The following TFAP4 variants were observed in gnomAD, a reference collection of about 807,000 sequenced individuals.
The protein encoded by TFAP4 is activating enhancer-binding protein 4.
In TFAP4, 7 loss-of-function variants were observed where a neutral mutation model predicts 40.4. The ratio of observed to expected loss-of-function variants is 0.17; its 90% CI spans 0.10 to 0.33. The LOEUF is 0.33. Among genes scored for constraint, TFAP4 ranks in the 10% least tolerant of loss-of-function variants. TFAP4 has a pLI of 1.00. For synonymous variants in TFAP4, 218 were observed against 181.4 expected (o/e 1.20, Z -1.62); for missense variants, 374 against 451.1 (o/e 0.83, Z 1.55).
chr16:4,258,131 G>A lies in TFAP4; in HGVS notation c.941C>T (p.Ser314Phe). The A allele has an allele frequency of 6.2e-7, 1 of 1,614,002 alleles. No homozygotes were observed. Among genetic ancestry groups the A allele is most frequent in the Non-Finnish European group, 8.5e-7 (1 of 1,180,006 alleles). The change falls in exon 7 of 7, where the codon TCC becomes TTC. Residue 314 changes from serine to phenylalanine, a missense_variant. This residue lies in a region of TFAP4 where 93 missense variants were observed against 79.2 expected (regional missense o/e 1.17). Coordinates refer to ENST00000204517, the MANE Select transcript of TFAP4 (RefSeq NM_003223.3). ...GTCACTGTCTGAGGCCTCGGAGTCG[G>A]AGGCGGTGTCAGAGGTGGGGGCCTC... The part of the protein sequence containing the change: ...CPEAPTSDTA[S>F]DSEASDSDAM...
At chr16:4,269,614 A>T (rs1262351328) in intron 1 of TFAP4, among the ~76,000 whole-genome samples, 2 of 151,718 alleles carry the variant, frequency 1.3e-5, no homozygotes, top group Non-Finnish European at 2.9e-5. Context: ...GATCGAGACC[A>T]TCCTGGCCAA....
At position 4,272,828 on chromosome 16, in the gene TFAP4, A is replaced by G; in HGVS notation, c.-82T>C. The G allele has an allele frequency of 1.7e-6, 2 of 1,180,522 alleles. No individual in the cohort carries two copies. Among genetic ancestry groups the G allele is most frequent in the South Asian group, 3.0e-5 (2 of 66,102 alleles). The allele number at this position is 1,180,522 out of a possible 1,614,324, so 73.1% of individuals were successfully genotyped here. A position where few individuals can be genotyped will look rare whatever the true frequency, so the allele number is the denominator to read the frequency against. On this transcript the variant is annotated 5_prime_UTR_variant, in exon 1 of 7. Coordinates refer to ENST00000204517, the MANE Select transcript of TFAP4 (RefSeq NM_003223.3). ...AAGATGGAAATCCGAATCAAAGGGC[A>G]GCGCCGGACGGAGGTGCAGAATCGG...
chr16:4,262,531 C>T lies in TFAP4; in HGVS notation c.255+5G>A. ...CTCCAGGAAGCCCTCCCTGCTCTCACCCACCTTGCTGAGCTTCTCTCCGTC... is the reference window on the plus strand; with the variant it reads ...CTCCAGGAAGCCCTCCCTGCTCTCATCCACCTTGCTGAGCTTCTCTCCGTC... On this transcript the variant is annotated splice_donor_5th_base_variant and intron_variant, in intron 2 of 6. Coordinates refer to ENST00000204517, the MANE Select transcript of TFAP4 (RefSeq NM_003223.3). 3 of 1,612,656 alleles carry T rather than the reference C, an allele frequency of 1.9e-6. No homozygotes were observed. Among genetic ancestry groups the T allele is most frequent in the East Asian group, 2.2e-5 (1 of 44,886 alleles).
rs1358795482 is a variant in TFAP4 at position 4,272,952 on chromosome 16, GTA to G, written c.-208_-207del. On this transcript the variant is annotated 5_prime_UTR_variant, in exon 1 of 7. Coordinates refer to ENST00000204517, the MANE Select transcript of TFAP4 (RefSeq NM_003223.3). ...CTCCGGCCTGCCTCCCCGGGCGTGT[GTA>G]TGTGTGTGTGTGTGTGTGTGTGTGT... is the stretch of plus-strand genomic sequence containing the variant. 27 of 387,254 alleles carry G rather than the reference GTA, an allele frequency of 7.0e-5. No individual in the cohort carries two copies. The highest frequency in any genetic ancestry group is 1.7e-4 in the East Asian group (3 of 18,164). 24.0% of individuals were successfully genotyped at this position (387,254 alleles called of 1,614,324 possible). A position where few individuals can be genotyped will look rare whatever the true frequency, so the allele number is the denominator to read the frequency against.
In TFAP4 at chr16:4,258,011, G is replaced by T. The variant is rs747381090; in HGVS notation, c.*44C>A. 2.6e-6 allele frequency: 4 copies of T among 1,567,640 alleles called. No homozygotes were observed. The East Asian group carries it at 9.2e-5, about 36-fold the overall frequency. On this transcript the variant is annotated 3_prime_UTR_variant, in exon 7 of 7. Coordinates refer to ENST00000204517, the MANE Select transcript of TFAP4 (RefSeq NM_003223.3). ...CATGTCTCTCCCTGTGGCTGCCCCG[G>T]CTCCCTCCAGCCCCCAGAAGGGAGA...
rs199753022 is a variant in TFAP4, at chr16:4,262,471, C to G, written c.256-49G>C. 38 of 1,613,732 alleles carry G rather than the reference C, an allele frequency of 2.4e-5. No homozygotes were observed. In the East Asian group the frequency reaches 8.2e-4, roughly 35 times the overall value. On this transcript the variant is annotated intron_variant, in intron 2 of 6. Coordinates refer to ENST00000204517, the MANE Select transcript of TFAP4 (RefSeq NM_003223.3). ...GTCAGGCTGGCAGTGTTTACCAGAGCTCACTTTCCTCTCCCAGCGGGAACC... is the reference window on the plus strand; with the variant it reads ...GTCAGGCTGGCAGTGTTTACCAGAGGTCACTTTCCTCTCCCAGCGGGAACC...
chr16:4,272,565 G>T, intron 1 of TFAP4, 93 bp downstream of exon 1: 1 of 909,922 alleles, frequency 1.1e-6, no homozygotes, highest in Non-Finnish European at 1.5e-6. Context: ...GGTCGGCGGC[G>T]CGGGCCATGC....
In TFAP4 at chr16:4,270,545, C is replaced by A. The variant is rs118038069; in HGVS notation, c.89+2113G>T. Reference sequence around the variant, plus strand: ...AAACAAATCCAGGGACCCCCAACTCCATGCCTAATGCACAGCTGACAACTG... The same window carrying A: ...AAACAAATCCAGGGACCCCCAACTCAATGCCTAATGCACAGCTGACAACTG... On this transcript the variant is annotated intron_variant, in intron 1 of 6. Coordinates refer to ENST00000204517, the MANE Select transcript of TFAP4 (RefSeq NM_003223.3). Among the ~76,000 whole-genome samples, 113 of 152,328 alleles carry A rather than the reference C, an allele frequency of 7.4e-4. 1 individual carries two copies. The East Asian group carries it at 0.019, about 26-fold the overall frequency.
chr16:4,263,575 C>T (rs1267860444), intron 1 of TFAP4: 1 of 152,466 alleles, frequency 6.6e-6, no homozygotes, highest in Non-Finnish European at 1.5e-5. Context: ...TCACAGAAGA[C>T]AAGTACCACT....
Position 4,262,339 on chromosome 16 carries a change from G to C in TFAP4, c.339C>G (p.Leu113=), listed in dbSNP as rs766777684. The C allele has an allele frequency of 3.7e-6, 6 of 1,614,218 alleles. No homozygotes were observed. The highest frequency in any genetic ancestry group is 5.1e-6 in the Non-Finnish European group (6 of 1,180,046). ...KTRLLQQNTQ[L]KRFIQELSGS... ...CAGGGCGCACCTGGATGAAGCGCTT[G>C]AGCTGTGTGTTCTGCTGCAAGAGCC... The change falls in exon 3 of 7, where the codon CTC becomes CTG. Residue 113 remains leucine, a synonymous_variant. Transcript: ENST00000204517.
chr16:4,257,953 C>G lies in TFAP4; in HGVS notation c.*102G>C, dbSNP rs911886064. ...GTCATAAAAGAGACCCAAATGACAT[C>G]GTAATTTTGTAAAAATTTCTCACTC... On this transcript the variant is annotated 3_prime_UTR_variant, in exon 7 of 7. Coordinates refer to ENST00000204517, the MANE Select transcript of TFAP4 (RefSeq NM_003223.3). 6.9e-6 allele frequency: 8 copies of G among 1,156,658 alleles called. No homozygotes were observed. Among genetic ancestry groups the G allele is most frequent in the Non-Finnish European group, 9.7e-6 (8 of 828,214 alleles). 71.6% of individuals were successfully genotyped at this position (1,156,658 alleles called of 1,614,324 possible).
At chr16:4,269,512 A>T (rs1369595737) in intron 1 of TFAP4, among the ~76,000 whole-genome samples, 1 of 146,226 alleles carries the variant, frequency 6.8e-6, no homozygotes. Flanking sequence ...AAAAAAAAAA[A>T]AAAGATACAG....
intron 1 of TFAP4, among the ~76,000 whole-genome samples, chr16:4,268,323 G>A (rs980721939): frequency 3.3e-5 from 5 of 152,196 alleles, no homozygotes; most frequent in East Asian, 1.9e-4. Flanking sequence ...CCAGCTACTC[G>A]GGAGGTCGAG....
rs747329832 is a variant in TFAP4 at position 4,258,049 on chromosome 16, G to A, written c.*6C>T. The A allele has an allele frequency of 1.3e-5, 21 of 1,608,920 alleles. No individual in the cohort carries two copies. Among genetic ancestry groups the A allele is most frequent in the Non-Finnish European group, 1.8e-5 (21 of 1,178,956 alleles). On this transcript the variant is annotated 3_prime_UTR_variant, in exon 7 of 7. Transcript: ENST00000204517. ...CCCAGAAGGGAGAGGAGGGCTGGGG[G>A]GGTAGTCAGGGAAGCTCCCCGTCCC... is the stretch of plus-strand genomic sequence containing the variant.
At position 4,272,783 on chromosome 16, in the gene TFAP4, C is replaced by T. The variant is rs750236535; in HGVS notation, c.-37G>A. ...CCCCTCCTCTGCACGAGCCAGGTCC[C>T]GCGATCAGCCGGAGAATGCAAGATG... On this transcript the variant is annotated 5_prime_UTR_variant, in exon 1 of 7. Transcript: ENST00000204517. The T allele has an allele frequency of 6.3e-7, 1 of 1,593,984 alleles. No individual in the cohort carries two copies. Among genetic ancestry groups the T allele is most frequent in the Non-Finnish European group, 8.6e-7 (1 of 1,163,606 alleles).
At chr16:4,263,142 A>C in intron 1 of TFAP4, 1 of 179,602 alleles carries the variant, frequency 5.6e-6, no homozygotes, top group South Asian at 1.1e-4. Flanking sequence ...ACTGCACTTC[A>C]GTCTGGGCAA....
chr16:4,260,690 T>C, intron 4 of TFAP4, 95 bp from the exon 5 acceptor site: 1 of 1,414,522 alleles, frequency 7.1e-7, no homozygotes, highest in Non-Finnish European at 9.3e-7. Context: ...CTGAAAACCC[T>C]AGCACAGGGC....
At chr16:4,265,804 A>C (rs1232250990) in intron 1 of TFAP4, 4 of 152,188 alleles carry the variant, frequency 2.6e-5, no homozygotes, top group African/African-American at 9.7e-5. Flanking sequence ...CCCAAGGTCA[A>C]GTAGCCAGAC....
chr16:4,258,117 A>C lies in TFAP4; in HGVS notation c.955T>G (p.Ser319Ala), dbSNP rs2052912592. Residue 319 changes from serine (S) to alanine (A), a missense_variant, in exon 7 of 7, where the codon TCA becomes GCA. Around this residue, in one of 6 missense-constraint regions of TFAP4, gnomAD observed 93 missense variants for 79.2 expected, o/e 1.17. Coordinates refer to ENST00000204517, the MANE Select transcript of TFAP4 (RefSeq NM_003223.3). ...TSDTASDSEA[S>A]DSDAMDQSRE... Reference sequence around the variant, plus strand: ...CTCTGGTCCATGGCGTCACTGTCTGAGGCCTCGGAGTCGGAGGCGGTGTCA... The same window carrying C: ...CTCTGGTCCATGGCGTCACTGTCTGCGGCCTCGGAGTCGGAGGCGGTGTCA... The C allele has an allele frequency of 6.2e-7, 1 of 1,613,622 alleles. No homozygotes were observed. Among genetic ancestry groups the C allele is most frequent in the Non-Finnish European group, 8.5e-7 (1 of 1,179,852 alleles).
Sources: gnomAD v4.1 joint callset for allele counts (sites outside exome capture counted in the v4.1 genomes callset) on GRCh38, gnomAD v4.1.1 for gene constraint, gnomAD v4.1.1 regional missense constraint, MANE v1.5 for transcripts, NCBI Gene and HGNC (gene_info 2026-07-23, HGNC 2026-07-21) for gene names.